Variants in COL16A1 observed in about 807,000 individuals in gnomAD.
COL16A1 encodes collagen type XVI alpha 1 chain.
Under a neutral mutation model 266.3 loss-of-function variants are expected in COL16A1, and 189 were observed. The ratio of observed to expected loss-of-function variants is 0.71; its 90% confidence interval spans 0.63 to 0.80. The LOEUF (loss-of-function observed/expected upper bound fraction) is 0.80. Among genes scored for constraint, COL16A1 ranks in the 30% least tolerant of loss-of-function variants. The probability of loss-of-function intolerance (pLI) is 0.00; values close to 1 mark genes in which losing one functional copy is unlikely to be tolerated. For missense variants in COL16A1, 1,928 were observed against 2,122.4 expected, an observed-to-expected ratio of 0.91 and a Z score of 1.80; for synonymous variants, 740 against 782.3, an observed-to-expected ratio of 0.95 and a Z score of 0.90.
Position 31,698,132 on chromosome 1 carries a change from A to T in COL16A1, c.431T>A (p.Leu144His). The T allele has an allele frequency of 1.2e-6, 2 of 1,613,906 alleles. No individual in the cohort carries two copies. Among genetic ancestry groups the T allele is most frequent in the South Asian group, 2.2e-5 (2 of 91,058 alleles). The change falls in exon 6 of 71, where the codon CTC becomes CAC. Residue 144 changes from leucine to histidine, a missense_variant. By Grantham distance (99) the Leu-to-His change is moderately conservative (BLOSUM62 -3). Coordinates refer to ENST00000373672, the MANE Select transcript of COL16A1 (RefSeq NM_001856.4). The surrounding 1 kb of genome is among the most constrained non-coding windows in gnomAD (Gnocchi z 4.1). ...EVNSQERSLE[L>H]RAQGQDGDFV... Reference sequence around the variant, plus strand: ...GTCGCCATCCTGGCCCTGGGCCCTGAGCTCCAGGCTCCGCTCTTGGCTGTT... The same window carrying T: ...GTCGCCATCCTGGCCCTGGGCCCTGTGCTCCAGGCTCCGCTCTTGGCTGTT...
chr1:31,702,690 G>A (rs922134575), intron 1 of COL16A1, among the ~76,000 whole-genome samples: 1 of 152,142 alleles, frequency 6.6e-6, no homozygotes, highest in Admixed American at 6.6e-5. Context: ...TACCTTACTA[G>A]CGCACCCAGC....
chr1:31,679,146 T>C (rs1643416377), intron 42 of COL16A1: 1 of 369,370 alleles, frequency 2.7e-6, no homozygotes, highest in Non-Finnish European at 4.9e-6. Flanking sequence ...TATGTATCAC[T>C]TTCTAACACA....
At position 31,679,914 on chromosome 1, in the gene COL16A1, C is replaced by T. The variant is rs867522357; in HGVS notation, c.2671-63G>A. 66 of 1,532,746 alleles carry T rather than the reference C, an allele frequency of 4.3e-5. No individual in the cohort carries two copies. The Middle Eastern group carries it at 1.5e-3, about 36-fold the overall frequency. The allele number at this position is 1,532,746 out of a possible 1,614,324, so 94.9% of individuals were successfully genotyped here. On this transcript the variant is annotated intron_variant, in intron 40 of 70. Coordinates refer to ENST00000373672, the MANE Select transcript of COL16A1 (RefSeq NM_001856.4). Reference sequence around the variant, plus strand: ...TTATAGGCAACGTCTACACCAAGCGCGGGGCTGCGTGGGGAGGCGGCTGGC... The same window carrying T: ...TTATAGGCAACGTCTACACCAAGCGTGGGGCTGCGTGGGGAGGCGGCTGGC...
chr1:31,683,232 G>A lies in COL16A1; in HGVS notation c.2431C>T (p.Arg811Trp), dbSNP rs376617047. 36 of 1,614,130 alleles carry A rather than the reference G, an allele frequency of 2.2e-5. No individual in the cohort carries two copies. The highest frequency in any genetic ancestry group is 4.5e-5 in the East Asian group (2 of 44,878). ...LPGIQGLPGP[R>W]GPPGPTGEKG... ...TCTCCAGTGGGGCCAGGTGGTCCCC[G>A]AGGTCCCGGAAGTCCCTGCAGATGG... is the stretch of plus-strand genomic sequence containing the variant. Residue 811 changes from arginine (R) to tryptophan (W), a missense_variant, in exon 36 of 71, where the codon CGG (arginine) becomes TGG (tryptophan). This residue lies in a region of COL16A1 where 1,552 missense variants were observed against 1,637.2 expected (regional missense o/e 0.95). Coordinates refer to ENST00000373672, the MANE Select transcript of COL16A1 (RefSeq NM_001856.4).
chr1:31,693,860 C>A (rs1352168839), intron 12 of COL16A1, among the ~76,000 whole-genome samples: 1 of 152,196 alleles, frequency 6.6e-6, no homozygotes, highest in Non-Finnish European at 1.5e-5. Context: ...AATGATAGCA[C>A]CCACCCTGCA....
chr1:31,670,783 C>A lies in COL16A1; in HGVS notation c.3151-137G>T. 1 of 651,048 alleles carries A rather than the reference C, an allele frequency of 1.5e-6. No individual in the cohort carries two copies. The highest frequency in any genetic ancestry group is 4.8e-5 in the South Asian group (1 of 20,788). 40.3% of individuals were successfully genotyped at this position (651,048 alleles called of 1,614,324 possible). Reference sequence around the variant, plus strand: ...TTTCAAGGCAGCTGGAAAAGAGACTCCTTGAAAGTCTTGGCTCAAAAGACA... The same window carrying A: ...TTTCAAGGCAGCTGGAAAAGAGACTACTTGAAAGTCTTGGCTCAAAAGACA... On this transcript the variant is annotated intron_variant, in intron 48 of 70. Transcript: ENST00000373672. This position sits in a 1 kb window ranked among gnomAD's most constrained non-coding sequence, Gnocchi z 4.5.
At position 31,668,708 on chromosome 1, in the gene COL16A1, T is replaced by C; in HGVS notation, c.3249+94A>G. On this transcript the variant is annotated intron_variant, in intron 50 of 70. Coordinates refer to ENST00000373672, the MANE Select transcript of COL16A1 (RefSeq NM_001856.4). The surrounding 1 kb of genome is among the most constrained non-coding windows in gnomAD (Gnocchi z 5.8). ...GTCTCAAGGAGTCCACCTCCCAGCT[T>C]CCACTCAGCAGCCACCCTTCAGAGC... The C allele has an allele frequency of 7.2e-7, 1 of 1,380,098 alleles. No homozygotes were observed. The highest frequency in any genetic ancestry group is 1.4e-5 in the African/African-American group (1 of 70,410). The allele number at this position is 1,380,098 out of a possible 1,614,324, so 85.5% of individuals were successfully genotyped here. A position where few individuals can be genotyped will look rare whatever the true frequency, so the allele number is the denominator to read the frequency against.
chr1:31,688,707 C>T lies in COL16A1; in HGVS notation c.1767+154G>A, dbSNP rs41307842. ...CAAGGAGCCTGGGGCAGCACAGGGA[C>T]GGAGGGAGGGACCAGGAGACAGGCC... On this transcript the variant is annotated intron_variant, in intron 25 of 70. Coordinates refer to ENST00000373672, the MANE Select transcript of COL16A1 (RefSeq NM_001856.4). This position sits in a 1 kb window ranked among gnomAD's most constrained non-coding sequence, Gnocchi z 4.9. The T allele has an allele frequency of 1.1e-3, 1,212 of 1,055,884 alleles. 1 individual carries two copies. The highest frequency in any genetic ancestry group is 1.6e-3 in the Non-Finnish European group (1,116 of 714,424). 65.4% of individuals were successfully genotyped at this position (1,055,884 alleles called of 1,614,324 possible).
chr1:31,693,291 C>T (rs1644360476), intron 12 of COL16A1, 137 bp from the exon 13 acceptor site: 1 of 655,176 alleles, frequency 1.5e-6, no homozygotes, highest in Non-Finnish European at 2.8e-6. Context: ...TGAGCAGTGT[C>T]CTGCCCCACG....
In COL16A1 at chr1:31,692,634, T is replaced by G. The variant is rs780296325; in HGVS notation, c.1122A>C (p.Glu374Asp). 1 of 1,614,146 alleles carries G rather than the reference T, an allele frequency of 6.2e-7. No homozygotes were observed. The highest frequency in any genetic ancestry group is 1.3e-5 in the African/African-American group (1 of 75,032). The change falls in exon 15 of 71, where the codon GAA becomes GAC. Residue 374 changes from glutamate (E) to aspartate (D), a missense_variant. By Grantham distance (45) the Glu-to-Asp change is conservative (BLOSUM62 2). Transcript: ENST00000373672. ...ISPDAPLQCAEGPKGEKGESG... is the reference protein window; with the variant it reads ...ISPDAPLQCADGPKGEKGESG... The stretch of plus-strand genomic sequence containing the variant: ...ACTCCCCCTTCTCTCCCTTCGGGCC[T>G]TCTGCACACTGAACAGGGGAACACA...
Position 31,652,709 on chromosome 1 carries a change from G to GCCCCAAAGCAGTCAGAGGGATTA in COL16A1, c.4734_4756dup (p.Ala1586ValfsTer19). On this transcript the variant is annotated frameshift_variant, in exon 71 of 71. Transcript: ENST00000373672. LOFTEE classifies it high-confidence loss of function. The surrounding 1 kb of genome is among the most constrained non-coding windows in gnomAD (Gnocchi z 4.8). ...TGGGTACTGCTGCTCCATCGGCATG[G>GCCCCAAAGCAGTCAGAGGGATTA]CCCCAAAGCAGTCAGAGGGATTACA... 6.2e-7 allele frequency: 1 copy of GCCCCAAAGCAGTCAGAGGGATTA among 1,606,898 alleles called. No homozygotes were observed. The highest frequency in any genetic ancestry group is 2.2e-5 in the East Asian group (1 of 44,702).
At chr1:31,694,811 C>A (rs538151542) in intron 11 of COL16A1, among the ~76,000 whole-genome samples, 1 of 152,338 alleles carries the variant, frequency 6.6e-6, no homozygotes, top group South Asian at 2.1e-4. Flanking sequence ...CCGTGCTGAG[C>A]CAGCTCTTCC....
At chr1:31,665,133 C>T (rs1470691993) in intron 56 of COL16A1, 39 bp downstream of exon 56, 1 of 1,602,528 alleles carries the variant, frequency 6.2e-7, no homozygotes, top group Non-Finnish European at 8.5e-7. Flanking sequence ...AGCTGCATGG[C>T]TCAGATCTGT....
chr1:31,679,976 G>GC, intron 40 of COL16A1, 66 bp downstream of exon 40: 1 of 1,598,272 alleles, frequency 6.3e-7, no homozygotes, highest in South Asian at 1.1e-5. Context: ...TGCACACTGG[G>GC]CACCAGACGA....
chr1:31,674,879 T>C lies in COL16A1; in HGVS notation c.2859+128A>G, dbSNP rs922406766. 7.7e-6 allele frequency: 11 copies of C among 1,432,552 alleles called. No homozygotes were observed. In the Admixed American group the frequency reaches 1.8e-4, roughly 23 times the overall value. 88.7% of individuals were successfully genotyped at this position (1,432,552 alleles called of 1,614,324 possible). A position where few individuals can be genotyped will look rare whatever the true frequency, so the allele number is the denominator to read the frequency against. Reference sequence around the variant, plus strand: ...CAGCTAGGCCCTCTTAGACAGATGCTTGGAATGCGTATTCCCTGCAAACTG... The same window carrying C: ...CAGCTAGGCCCTCTTAGACAGATGCCTGGAATGCGTATTCCCTGCAAACTG... On this transcript the variant is annotated intron_variant, in intron 44 of 70. Transcript: ENST00000373672.
Position 31,685,528 on chromosome 1 carries a change from C to G in COL16A1, c.2016+111G>C. The stretch of plus-strand genomic sequence containing the variant: ...AGGCTCTGACCCCGCCACACCCTCC[C>G]CACTACCCCCAACTGCCCAGGGAGT... On this transcript the variant is annotated intron_variant, in intron 29 of 70. Coordinates refer to ENST00000373672, the MANE Select transcript of COL16A1 (RefSeq NM_001856.4). The surrounding 1 kb of genome is among the most constrained non-coding windows in gnomAD (Gnocchi z 4.0). The G allele has an allele frequency of 7.6e-7, 1 of 1,323,444 alleles. No homozygotes were observed. Among genetic ancestry groups the G allele is most frequent in the African/African-American group, 1.5e-5 (1 of 67,870 alleles). The allele number at this position is 1,323,444 out of a possible 1,614,324, so 82.0% of individuals were successfully genotyped here.
At position 31,698,665 on chromosome 1, in the gene COL16A1, C is replaced by T. The variant is rs1644602541; in HGVS notation, c.267-59G>A. The T allele has an allele frequency of 1.3e-6, 2 of 1,597,506 alleles. No homozygotes were observed. Among genetic ancestry groups the T allele is most frequent in the South Asian group, 2.2e-5 (2 of 88,944 alleles). Reference sequence around the variant, plus strand: ...CCAATGAGGACCCAAATGCTGCCCACCCTGAGCCCTCAGGACTGCTGAGCC... The same window carrying T: ...CCAATGAGGACCCAAATGCTGCCCATCCTGAGCCCTCAGGACTGCTGAGCC... On this transcript the variant is annotated intron_variant, in intron 4 of 70. Transcript: ENST00000373672. The surrounding 1 kb of genome is among the most constrained non-coding windows in gnomAD (Gnocchi z 4.1).
At position 31,684,289 on chromosome 1, in the gene COL16A1, G is replaced by T; in HGVS notation, c.2161-58C>A. ...GAGCCGGGGCTGGCACCCAGGCCAG[G>T]ACGCCCTGCACCCCTCTGAACACTC... On this transcript the variant is annotated intron_variant, in intron 31 of 70. Coordinates refer to ENST00000373672, the MANE Select transcript of COL16A1 (RefSeq NM_001856.4). The T allele has an allele frequency of 2.8e-6, 4 of 1,449,994 alleles. No homozygotes were observed. In the South Asian group the frequency reaches 4.4e-5, roughly 16 times the overall value. 89.8% of individuals were successfully genotyped at this position (1,449,994 alleles called of 1,614,324 possible).
intron 42 of COL16A1, among the ~76,000 whole-genome samples, chr1:31,676,566 A>G (rs1390174616): frequency 6.6e-6 from 1 of 152,134 alleles, no homozygotes; most frequent in Non-Finnish European, 1.5e-5. Flanking sequence ...AACTTTTGGC[A>G]ATTTATTTGG....
Sources: allele counts gnomAD v4.1 joint callset (sites outside exome capture counted in the v4.1 genomes callset), GRCh38; gene constraint gnomAD v4.1.1; regional missense constraint gnomAD v4.1.1; non-coding constraint Gnocchi (gnomAD v3.1); transcripts MANE v1.5; gene names NCBI Gene and HGNC (gene_info 2026-07-23, HGNC 2026-07-21).